UGT2B4: variants seen among roughly 807,000 people sequenced by gnomAD.
UGT2B4 encodes UDP-glucuronosyltransferase 2B4.
A neutral mutation model predicts 49.8 loss-of-function variants in UGT2B4; 49 were observed. The ratio of observed to expected loss-of-function variants is 0.98; its 90% CI spans 0.78 to 1.25. UGT2B4 has a LOEUF of 1.25. UGT2B4 is among the 50% of genes most tolerant of loss of function. The pLI is 0.00. For missense variants in UGT2B4, 729 were observed against 627.7 expected, an observed-to-expected ratio of 1.16 and a Z score of -1.73; for synonymous variants, 246 against 217.7, an observed-to-expected ratio of 1.13 and a Z score of -1.14.
At chr4:69,515,812 A>G (rs906567717) in intron 1 of UGT2B4, among the ~76,000 whole-genome samples, 1 of 152,154 alleles carries the variant, frequency 6.6e-6, no homozygotes, top group Non-Finnish European at 1.5e-5. Context: ...ATTAAAAACC[A>G]ACGAACCAAA....
intron 1 of UGT2B4, among the ~76,000 whole-genome samples, chr4:69,523,479 G>A (rs1043899389): frequency 1.3e-5 from 2 of 152,060 alleles, no homozygotes; most frequent in African/African-American, 4.8e-5. Flanking sequence ...ATTTTGAAAG[G>A]AGTCTTTATT....
In UGT2B4 at chr4:69,489,446, G is replaced by A. The variant is rs776602181; in HGVS notation, c.995C>T (p.Pro332Leu). The change falls in exon 3 of 6, where the codon CCA (proline) becomes CTA (leucine). Residue 332 changes from proline (P) to leucine (L), a missense_variant. Transcript: ENST00000305107. ...NVIASALAKIPQKVLWRFDGN... is the reference protein window; with the variant it reads ...NVIASALAKILQKVLWRFDGN... ...TAAAACATTTTATCTTACCTTTTGT[G>A]GGATCTTGGCAAGGGCTGATGCAAT... 2 of 1,610,632 alleles carry A rather than the reference G, an allele frequency of 1.2e-6. No homozygotes were observed. The highest frequency in any genetic ancestry group is 2.2e-5 in the South Asian group (2 of 90,992).
At chr4:69,511,956 T>C (rs1276689965) in intron 1 of UGT2B4, among the ~76,000 whole-genome samples, 1 of 152,066 alleles carries the variant, frequency 6.6e-6, no homozygotes, top group Non-Finnish European at 1.5e-5. Context: ...TAACTGTTCA[T>C]AGTAGGCTCT....
chr4:69,507,843 C>T (rs971953457), intron 1 of UGT2B4, among the ~76,000 whole-genome samples: 11 of 152,150 alleles, frequency 7.2e-5, no homozygotes, highest in Admixed American at 1.3e-4. Context: ...ACAATAAAAG[C>T]AAAAATTGAC....
chr4:69,498,680 G>A (rs925190576), upstream of UGT2B4, among the ~76,000 whole-genome samples: 42 of 151,968 alleles, frequency 2.8e-4, no homozygotes, highest in African/African-American at 9.4e-4. Context: ...ATTCTCTGAT[G>A]GTGGTTTGTG....
At chr4:69,497,134 G>GT (rs1728190695), upstream of UGT2B4, among the ~76,000 whole-genome samples, 1 of 152,112 alleles carries the variant, frequency 6.6e-6, no homozygotes, top group African/African-American at 2.4e-5. Context: ...TTGAAATGTG[G>GT]TTTTCTCTTT....
At position 69,505,460 on chromosome 4, in the gene UGT2B4, G is replaced by A. The variant is rs998243434; in HGVS notation, c.-105-9494C>T. Among the ~76,000 whole-genome samples the A allele has an allele frequency of 7.3e-5, 11 of 151,464 alleles. No individual in the cohort carries two copies. The East Asian group carries it at 7.8e-4, about 11-fold the overall frequency. Reference sequence around the variant, plus strand: ...ACAAAACAGAATTTAAACAAAAAACGAAAAAGAGAAGAACACTGCATAATG... The same window carrying A: ...ACAAAACAGAATTTAAACAAAAAACAAAAAAGAGAAGAACACTGCATAATG... On this transcript the variant is annotated intron_variant, in intron 1 of 1. Transcript: ENST00000510114.
At chr4:69,497,256 A>G (rs1313456597), upstream of UGT2B4, among the ~76,000 whole-genome samples, 1 of 152,178 alleles carries the variant, frequency 6.6e-6, no homozygotes, top group African/African-American at 2.4e-5. Context: ...GACTCACCAA[A>G]GAATGCAGTT....
intron 2 of UGT2B4, among the ~76,000 whole-genome samples, chr4:69,492,527 G>A (rs1193383111): frequency 6.6e-6 from 1 of 151,996 alleles, no homozygotes; most frequent in African/African-American, 2.4e-5. Flanking sequence ...AGTCTACAGG[G>A]TATCTGTCAT....
chr4:69,497,009 C>T (rs1728186313), upstream of UGT2B4, among the ~76,000 whole-genome samples: 1 of 151,734 alleles, frequency 6.6e-6, no homozygotes, highest in Non-Finnish European at 1.5e-5. Flanking sequence ...ATTACATTAG[C>T]TTGCTCTCTG....
intron 1 of UGT2B4, among the ~76,000 whole-genome samples, chr4:69,506,006 CAAG>C (rs1728458063): frequency 1.3e-5 from 2 of 152,008 alleles, no homozygotes; most frequent in African/African-American, 2.4e-5. Context: ...AGACAGAAAT[CAAG>C]AAGATCTTTG....
At chr4:69,493,353 G>T (rs563638226) in intron 2 of UGT2B4, among the ~76,000 whole-genome samples, 1 of 152,130 alleles carries the variant, frequency 6.6e-6, no homozygotes, top group African/African-American at 2.4e-5. Flanking sequence ...AAGGTGTGTT[G>T]GGATAGAAAC....
chr4:69,506,180 C>CA (rs1217272303), intron 1 of UGT2B4, among the ~76,000 whole-genome samples: 4 of 150,700 alleles, frequency 2.7e-5, no homozygotes, highest in African/African-American at 4.9e-5. Context: ...GAACCAAGAG[C>CA]AAAAAAAATT....
chr4:69,483,248 G>A (rs7662902), intron 5 of UGT2B4, among the ~76,000 whole-genome samples: 61,767 of 151,732 alleles, frequency 0.41, 13,310 homozygotes, highest in South Asian at 0.62. Flanking sequence ...TTATGATATT[G>A]AATCTTTTCA....
intron 1 of UGT2B4, among the ~76,000 whole-genome samples, chr4:69,506,809 A>G (rs1439076533): frequency 1.3e-5 from 2 of 152,190 alleles, no homozygotes; most frequent in Non-Finnish European, 2.9e-5. Context: ...GTAAACCTCA[A>G]TACAAATATC....
At chr4:69,520,576 A>T (rs1560444522) in intron 1 of UGT2B4, among the ~76,000 whole-genome samples, 1 of 152,210 alleles carries the variant, frequency 6.6e-6, no homozygotes, top group African/African-American at 2.4e-5. Context: ...TACTCCCGGA[A>T]CCCAGTCTGG....
chr4:69,523,971 CT>C (rs200211272), intron 1 of UGT2B4, among the ~76,000 whole-genome samples: 4 of 152,192 alleles, frequency 2.6e-5, no homozygotes, highest in South Asian at 2.1e-4. Context: ...TAGCTTCCAA[CT>C]TTTTTTCTGC....
intron 4 of UGT2B4, 174 bp downstream of exon 4, chr4:69,486,435 A>T: frequency 2.9e-6 from 1 of 345,280 alleles, no homozygotes; most frequent in Non-Finnish European, 5.0e-6. Flanking sequence ...TGCATATCAT[A>T]AAATGCCAAC....
At chr4:69,500,666 A>AAAGAAAGAAGGAAAGAAAGG (rs1444201529), upstream of UGT2B4, among the ~76,000 whole-genome samples, 1 of 113,796 alleles carries the variant, frequency 8.8e-6, no homozygotes, top group Non-Finnish European at 2.1e-5. Context: ...AGAAAGAAAG[A>AAAGAAAGAAGGAAAGAAAGG]AAGGAAGGAA....
Sources: allele counts gnomAD v4.1 joint callset (sites outside exome capture counted in the v4.1 genomes callset), GRCh38; gene constraint gnomAD v4.1.1; transcripts MANE v1.5; gene names NCBI Gene and HGNC (gene_info 2026-07-23, HGNC 2026-07-21).